The following CYP7B1 variants were observed in gnomAD, a reference collection of about 807,000 sequenced individuals.
The protein encoded by CYP7B1 is cytochrome P450 family 7 subfamily B member 1, also known as cytochrome P450 7B1.
CYP7B1 carries 29 observed loss-of-function variants against 42.7 expected under a neutral mutation model. The ratio of observed to expected loss-of-function variants is 0.68; its 90% CI spans 0.51 to 0.93. The LOEUF is 0.93. Among genes scored for constraint, CYP7B1 ranks in the 40% least tolerant of loss-of-function variants. The pLI, the probability that CYP7B1 is intolerant of heterozygous loss-of-function variation, is 0.00. For synonymous variants in CYP7B1, 235 were observed against 218.2 expected (o/e 1.08, Z -0.68); for missense variants, 655 against 600.5 (o/e 1.09, Z -0.95).
chr8:64,595,795 G>A lies in CYP7B1; in HGVS notation c.*847C>T, dbSNP rs1468100161. On this transcript the variant is annotated 3_prime_UTR_variant, in exon 6 of 6. Coordinates refer to ENST00000310193, the MANE Select transcript of CYP7B1 (RefSeq NM_004820.5). ...CAGTTTATATATATGAAAGCATTTAGGAAAGGGTTAATTGCAATATTTGCA... is the reference window on the plus strand; with the variant it reads ...CAGTTTATATATATGAAAGCATTTAAGAAAGGGTTAATTGCAATATTTGCA... Among the ~76,000 whole-genome samples, 1 of 152,130 alleles carries A rather than the reference G, an allele frequency of 6.6e-6. No individual in the cohort carries two copies.
chr8:64,725,397 C>T (rs1472003619), intron 1 of CYP7B1, among the ~76,000 whole-genome samples: 2 of 152,238 alleles, frequency 1.3e-5, no homozygotes. Flanking sequence ...TCTCTCTCCA[C>T]TTTCCCCCTG....
At chr8:64,622,994 C>T (rs1220783869) in intron 2 of CYP7B1, among the ~76,000 whole-genome samples, 1 of 151,950 alleles carries the variant, frequency 6.6e-6, no homozygotes, top group Non-Finnish European at 1.5e-5. Flanking sequence ...ACTGGCAACA[C>T]TCAACAAGCA....
At chr8:64,698,337 G>A (rs1364506616) in intron 1 of CYP7B1, among the ~76,000 whole-genome samples, 3 of 151,944 alleles carry the variant, frequency 2.0e-5, no homozygotes, top group Admixed American at 6.6e-5. Flanking sequence ...GCAGCAGGGG[G>A]GGGAAAAAAA....
chr8:64,678,236 A>G (rs1806481221), intron 1 of CYP7B1, among the ~76,000 whole-genome samples: 1 of 152,058 alleles, frequency 6.6e-6, no homozygotes, highest in South Asian at 2.1e-4. Flanking sequence ...GATCCTGGGT[A>G]TGTTATAAAC....
At chr8:64,645,101 T>C (rs1244571082) in intron 1 of CYP7B1, among the ~76,000 whole-genome samples, 1 of 151,610 alleles carries the variant, frequency 6.6e-6, no homozygotes. Flanking sequence ...CATCATTTTT[T>C]ATGGCAGCAT....
chr8:64,609,342 T>C (rs1326756343), intron 4 of CYP7B1, among the ~76,000 whole-genome samples: 1 of 152,214 alleles, frequency 6.6e-6, no homozygotes, highest in African/African-American at 2.4e-5. Flanking sequence ...CATTTTCTAA[T>C]TGGATAACTC....
chr8:64,744,535 A>G (rs1453111924), intron 1 of CYP7B1, among the ~76,000 whole-genome samples: 1 of 152,178 alleles, frequency 6.6e-6, no homozygotes, highest in Non-Finnish European at 1.5e-5. Flanking sequence ...TAATTATTTA[A>G]GCAATGGAAA....
At chr8:64,719,963 T>C (rs886360442) in intron 1 of CYP7B1, among the ~76,000 whole-genome samples, 1 of 152,162 alleles carries the variant, frequency 6.6e-6, no homozygotes, top group African/African-American at 2.4e-5. Flanking sequence ...AGAAACAGAA[T>C]AGGAATTCAA....
At chr8:64,598,053 C>G (rs8192906) in intron 5 of CYP7B1, among the ~76,000 whole-genome samples, 100,519 of 152,056 alleles carry the variant, frequency 0.66, 33,455 homozygotes, top group African/African-American at 0.73. Flanking sequence ...TCCTTTAAAA[C>G]TATTAGGTTT....
At chr8:64,644,915 C>T (rs559967327) in intron 1 of CYP7B1, among the ~76,000 whole-genome samples, 35 of 145,466 alleles carry the variant, frequency 2.4e-4, no homozygotes, top group Non-Finnish European at 4.5e-4. Context: ...CCCCCCTCCC[C>T]CCATCCCACA....
chr8:64,725,178 G>T (rs1476751052), intron 1 of CYP7B1, among the ~76,000 whole-genome samples: 2 of 152,154 alleles, frequency 1.3e-5, no homozygotes, highest in Non-Finnish European at 2.9e-5. Context: ...ATAAAAATAG[G>T]CAGTGTTCTC....
intron 1 of CYP7B1, among the ~76,000 whole-genome samples, chr8:64,746,836 T>G (rs1359856813): frequency 1.3e-5 from 2 of 152,088 alleles, no homozygotes; most frequent in South Asian, 2.1e-4. Context: ...AAAGAACATT[T>G]GACATACTCT....
At chr8:64,749,534 G>T (rs1283555542) in intron 1 of CYP7B1, among the ~76,000 whole-genome samples, 1 of 152,192 alleles carries the variant, frequency 6.6e-6, no homozygotes, top group Non-Finnish European at 1.5e-5. Context: ...GTGGATTTTA[G>T]AGCTATCTAA....
chr8:64,634,076 A>T (rs1294634793), intron 1 of CYP7B1, among the ~76,000 whole-genome samples: 11 of 152,176 alleles, frequency 7.2e-5, no homozygotes, highest in Admixed American at 7.2e-4. Context: ...TTGATCTTTG[A>T]TATCTTTTGA....
rs1184783444 is a variant in CYP7B1 at position 64,594,383 on chromosome 8, T to A, written c.*2259A>T. On this transcript the variant is annotated 3_prime_UTR_variant, in exon 6 of 6. Transcript: ENST00000310193. ...TATATACTACAGAAATATGAATATA[T>A]CTTTAAAATCACAGAGCTTCATAAG... 6.6e-6 allele frequency among the ~76,000 whole-genome samples: 1 copy of A among 152,138 alleles called. No individual in the cohort carries two copies. The highest frequency in any genetic ancestry group is 1.9e-4 in the East Asian group (1 of 5,184).
chr8:64,603,317 G>T lies in CYP7B1; in HGVS notation c.1233+1365C>A, dbSNP rs111288630. On this transcript the variant is annotated intron_variant, in intron 5 of 5. Coordinates refer to ENST00000310193, the MANE Select transcript of CYP7B1 (RefSeq NM_004820.5). ...AATCAAGGTATTTTTCATCATGAGG[G>T]TAAGAAATAGGAGTCCAAAGCACAG... 3.2e-3 allele frequency among the ~76,000 whole-genome samples: 489 copies of T among 152,226 alleles called. 8 individuals are homozygous for T. Among genetic ancestry groups the T allele is most frequent in the African/African-American group, 0.011 (477 of 41,528 alleles).
intron 1 of CYP7B1, among the ~76,000 whole-genome samples, chr8:64,695,602 CCT>C (rs1491365440): frequency 3.2e-5 from 3 of 92,554 alleles, no homozygotes; most frequent in African/African-American, 1.3e-4. Context: ...TTATCAAATT[CCT>C]TTTTTTTTTT....
chr8:64,666,530 G>C (rs980059169), intron 1 of CYP7B1, among the ~76,000 whole-genome samples: 1 of 137,920 alleles, frequency 7.3e-6, no homozygotes, highest in African/African-American at 2.5e-5. Context: ...GATGAGTAGG[G>C]GTCAGGCTAG....
intron 1 of CYP7B1, among the ~76,000 whole-genome samples, chr8:64,692,095 C>T (rs1307441130): frequency 6.6e-6 from 1 of 152,182 alleles, no homozygotes; most frequent in Non-Finnish European, 1.5e-5. Flanking sequence ...CATATGCTAA[C>T]AATAGGTACC....
Sources: gnomAD v4.1 joint callset for allele counts (sites outside exome capture counted in the v4.1 genomes callset) on GRCh38, gnomAD v4.1.1 for gene constraint, MANE v1.5 for transcripts, NCBI Gene and HGNC (gene_info 2026-07-23, HGNC 2026-07-21) for gene names.